HMGN5: variants seen among roughly 807,000 people sequenced by gnomAD.
The protein encoded by HMGN5 is high mobility group nucleosome binding domain 5, also known as high mobility group nucleosome-binding domain-containing protein 5.
HMGN5 carries 4 observed loss-of-function variants against 9.5 expected under a neutral mutation model. The ratio of observed to expected loss-of-function variants is 0.42; its 90% CI spans 0.21 to 0.96. The LOEUF (loss-of-function observed/expected upper bound fraction) is 0.96, where lower values mean the gene tolerates loss of function less well. Ranked by LOEUF, HMGN5 falls within the 40% of genes least tolerant of loss-of-function variation. The pLI, the probability that HMGN5 is intolerant of heterozygous loss-of-function variation, is 0.30. For synonymous variants in HMGN5, 55 were observed against 57.1 expected (o/e 0.96, Z 0.16); for missense variants, 192 against 187.5 (o/e 1.02, Z -0.14).
intron 1 of HMGN5, among the ~76,000 whole-genome samples, chrX:81,140,936 T>C (rs1049641206): frequency 7.2e-5 from 8 of 111,255 alleles, no homozygotes; most frequent in Non-Finnish European, 1.5e-4. Flanking sequence ...CCCACTGCCC[T>C]GAAGGGTGAG....
chrX:81,134,739 A>T (rs2075306871), intron 1 of HMGN5, among the ~76,000 whole-genome samples: 2 of 112,049 alleles, frequency 1.8e-5, no homozygotes, highest in South Asian at 7.3e-4. Context: ...ATTACAAAGC[A>T]TCATTAAGAC....
intron 1 of HMGN5, among the ~76,000 whole-genome samples, chrX:81,149,087 A>G (rs1326754280): frequency 8.9e-6 from 1 of 111,945 alleles, no homozygotes; most frequent in Non-Finnish European, 1.9e-5. Context: ...TCAAGGATCT[A>G]GAACTAGAAA....
chrX:81,192,660 T>TTTGG (rs1434331438), intron 1 of HMGN5, among the ~76,000 whole-genome samples: 1 of 112,280 alleles, frequency 8.9e-6, no homozygotes, highest in Non-Finnish European at 1.9e-5. Context: ...AGTGTAAAAC[T>TTTGG]TTGGTGAATA....
chrX:81,172,554 T>TAA (rs35879365), intron 1 of HMGN5, among the ~76,000 whole-genome samples: 81 of 99,994 alleles, frequency 8.1e-4, no homozygotes, highest in Non-Finnish European at 1.2e-3. Flanking sequence ...ACACCCAATG[T>TAA]AAAAAAAAAA....
At chrX:81,143,847 A>G (rs759717165) in intron 1 of HMGN5, among the ~76,000 whole-genome samples, 1 of 111,878 alleles carries the variant, frequency 8.9e-6, no homozygotes, top group Non-Finnish European at 1.9e-5. Flanking sequence ...GCTTGAGTAG[A>G]CAGTTTTACC....
At chrX:81,198,601 A>G (rs190820621) in intron 1 of HMGN5, among the ~76,000 whole-genome samples, 1 of 112,157 alleles carries the variant, frequency 8.9e-6, no homozygotes, top group East Asian at 2.8e-4. Flanking sequence ...GTAATCCATC[A>G]CATAAACAGA....
intron 1 of HMGN5, among the ~76,000 whole-genome samples, chrX:81,183,115 G>T (rs2075467448): frequency 8.9e-6 from 1 of 111,805 alleles, no homozygotes; most frequent in East Asian, 2.8e-4. Context: ...GCAAAGAAAT[G>T]AACTGAAACT....
At chrX:81,200,833 G>A (rs374799668) in intron 1 of HMGN5, among the ~76,000 whole-genome samples, 13 of 111,103 alleles carry the variant, frequency 1.2e-4, no homozygotes, top group East Asian at 1.1e-3. Flanking sequence ...TTGTGCACAT[G>A]TACCCTAGAA....
chrX:81,128,283 C>T (rs1032181388), intron 1 of HMGN5, among the ~76,000 whole-genome samples: 2 of 111,182 alleles, frequency 1.8e-5, no homozygotes, highest in African/African-American at 6.5e-5. Context: ...ACAATTCAAG[C>T]AAATGGACAT....
In HMGN5 at chrX:81,117,260, G is replaced by GTTTT. The variant is rs72026372; in HGVS notation, c.130-923_130-920dup. The stretch of plus-strand genomic sequence containing the variant: ...TTTTCTTTTCTTTTCTTTTTTTTCC[G>GTTTT]TTTTTTTTTTTTTTTTTGAGACAGG... On this transcript the variant is annotated intron_variant, in intron 5 of 6. Coordinates refer to ENST00000358130, the MANE Select transcript of HMGN5 (RefSeq NM_030763.3). 2.4e-4 allele frequency among the ~76,000 whole-genome samples: 19 copies of GTTTT among 79,835 alleles called. 2 individuals carry two copies. Among genetic ancestry groups the GTTTT allele is most frequent in the East Asian group, 4.4e-4 (1 of 2,256 alleles). The allele number at this position is 79,835 out of a possible 115,157, so 69.3% of individuals were successfully genotyped here.
intron 1 of HMGN5, among the ~76,000 whole-genome samples, chrX:81,149,500 T>G (rs2075354972): frequency 9.0e-6 from 1 of 111,359 alleles, no homozygotes; most frequent in Non-Finnish European, 1.9e-5. Context: ...AGGGATAGCA[T>G]TAGGAGAAAT....
intron 1 of HMGN5, among the ~76,000 whole-genome samples, chrX:81,142,056 T>C (rs760506112): frequency 3.6e-5 from 4 of 112,117 alleles, no homozygotes; most frequent in African/African-American, 9.7e-5. Flanking sequence ...AGAAATGCAA[T>C]TGGTATACTG....
chrX:81,159,026 A>T (rs781374069), intron 1 of HMGN5, among the ~76,000 whole-genome samples: 10 of 111,918 alleles, frequency 8.9e-5, no homozygotes, highest in Non-Finnish European at 1.1e-4. Context: ...AATGTGGTAC[A>T]TATACACCAT....
intron 1 of HMGN5, among the ~76,000 whole-genome samples, chrX:81,196,653 C>T (rs2075509308): frequency 1.8e-5 from 2 of 110,264 alleles, no homozygotes; most frequent in Non-Finnish European, 3.8e-5. Flanking sequence ...GCAATTCTCC[C>T]ACCTCAGCCT....
At chrX:81,140,525 A>C (rs570034173) in intron 1 of HMGN5, among the ~76,000 whole-genome samples, 5 of 94,783 alleles carry the variant, frequency 5.3e-5, no homozygotes, top group Non-Finnish European at 1.0e-4. Context: ...GCGCCACTGC[A>C]CTCCAGCCTT....
intron 1 of HMGN5, among the ~76,000 whole-genome samples, chrX:81,146,344 C>T (rs2075343691): frequency 1.8e-5 from 2 of 111,819 alleles, no homozygotes; most frequent in Non-Finnish European, 1.9e-5. Flanking sequence ...TTGAGAAACT[C>T]ACTCAAAACT....
intron 1 of HMGN5, among the ~76,000 whole-genome samples, chrX:81,160,100 C>G (rs1386267770): frequency 1.8e-5 from 2 of 111,587 alleles, no homozygotes; most frequent in African/African-American, 6.5e-5. Flanking sequence ...GAAGACAGCC[C>G]ATTCAGAATT....
intron 1 of HMGN5, among the ~76,000 whole-genome samples, chrX:81,173,983 A>T (rs937578879): frequency 8.9e-5 from 10 of 111,815 alleles, no homozygotes; most frequent in African/African-American, 2.9e-4. Flanking sequence ...GTGTTAAATT[A>T]AGACAGTGAA....
At chrX:81,173,312 A>G (rs2075431927) in intron 1 of HMGN5, among the ~76,000 whole-genome samples, 2 of 111,317 alleles carry the variant, frequency 1.8e-5, no homozygotes, top group African/African-American at 6.5e-5. Context: ...TTTGTAATAA[A>G]TAAAGGTTGG....
Sources: allele counts gnomAD v4.1 joint callset (sites outside exome capture counted in the v4.1 genomes callset), GRCh38; gene constraint gnomAD v4.1.1; transcripts MANE v1.5; gene names NCBI Gene and HGNC (gene_info 2026-07-23, HGNC 2026-07-21).